The following DPP6 variants were observed in gnomAD, a reference collection of about 807,000 sequenced individuals.
DPP6 encodes A-type potassium channel modulatory protein DPP6.
A neutral mutation model predicts 122.6 loss-of-function variants in DPP6; 69 were observed. That is an observed-to-expected ratio of 0.56 (90% CI 0.46 to 0.69). The LOEUF is 0.69. DPP6 is among the 30% of genes least tolerant of loss of function. DPP6 has a pLI of 0.00. For synonymous variants in DPP6, 418 were observed against 433.1 expected, an observed-to-expected ratio of 0.97 and a Z score of 0.43; for missense variants, 928 against 1,116.9, an observed-to-expected ratio of 0.83 and a Z score of 2.41.
chr7:153,966,539 T>C (rs1585104303), intron 1 of DPP6, among the ~76,000 whole-genome samples: 1 of 116,330 alleles, frequency 8.6e-6, no homozygotes, highest in African/African-American at 3.1e-5. Flanking sequence ...AATTAAACGG[T>C]CTGTCCTGTG....
chr7:154,529,910 G>A (rs768638813), intron 3 of DPP6, among the ~76,000 whole-genome samples: 27 of 152,306 alleles, frequency 1.8e-4, no homozygotes, highest in Non-Finnish European at 3.4e-4. Flanking sequence ...TGGATCACTT[G>A]AGATCAGGAG....
chr7:153,790,793 T>C, the DPP6 span, among the ~76,000 whole-genome samples: 2 of 152,332 alleles, frequency 1.3e-5, no homozygotes, highest in East Asian at 1.9e-4. Context: ...CATAGTGTTA[T>C]AAAGCTCAGC....
intron 1 of DPP6, among the ~76,000 whole-genome samples, chr7:154,332,573 C>T (rs1809047060): frequency 6.6e-6 from 1 of 152,150 alleles, no homozygotes; most frequent in African/African-American, 2.4e-5. Flanking sequence ...GTGTGTCTGT[C>T]CATTAGGAGG....
intron 1 of DPP6, among the ~76,000 whole-genome samples, chr7:154,184,318 G>A (rs990184663): frequency 6.6e-6 from 1 of 151,880 alleles, no homozygotes; most frequent in Non-Finnish European, 1.5e-5. Context: ...AGGCTGAGTA[G>A]GTCAGGGGGA....
chr7:153,864,715 ACACACACG>A, the DPP6 span, among the ~76,000 whole-genome samples: 1 of 124,676 alleles, frequency 8.0e-6, no homozygotes, highest in South Asian at 2.6e-4. Flanking sequence ...ACACACACAC[ACACACACG>A]TGCTTGGGGA....
intron 3 of DPP6, among the ~76,000 whole-genome samples, chr7:154,511,096 T>C (rs1826057306): frequency 6.6e-6 from 1 of 151,982 alleles, no homozygotes; most frequent in Admixed American, 6.6e-5. Flanking sequence ...AAAAGGAAAA[T>C]TCGATATCAC....
At chr7:154,557,153 A>T (rs375535157) in intron 4 of DPP6, among the ~76,000 whole-genome samples, 1 of 152,206 alleles carries the variant, frequency 6.6e-6, no homozygotes, top group Admixed American at 6.5e-5. Context: ...CATCGGGGGC[A>T]TCCAAGCTTA....
intron 1 of DPP6, among the ~76,000 whole-genome samples, chr7:154,311,500 A>C (rs992757450): frequency 3.9e-5 from 2 of 51,556 alleles, no homozygotes; most frequent in Non-Finnish European, 8.0e-5. Flanking sequence ...CTGTCTCCAC[A>C]AAAAAAAAAA....
chr7:153,775,781 C>A, the DPP6 span, among the ~76,000 whole-genome samples: 20 of 152,098 alleles, frequency 1.3e-4, no homozygotes, highest in Non-Finnish European at 2.1e-4. Context: ...TTTCTGTGTT[C>A]TAGCAGTGCA....
chr7:154,512,562 T>C (rs1219559621), intron 3 of DPP6, among the ~76,000 whole-genome samples: 1 of 152,216 alleles, frequency 6.6e-6, no homozygotes, highest in Admixed American at 6.5e-5. Context: ...TTCTCATTTG[T>C]GGAAGAGGGA....
intron 8 of DPP6, among the ~76,000 whole-genome samples, chr7:154,762,953 A>G (rs896654420): frequency 1.3e-5 from 2 of 152,222 alleles, no homozygotes; most frequent in African/African-American, 4.8e-5. Context: ...GTGGCAGGGG[A>G]CTGCTTTAAC....
Position 154,062,014 on chromosome 7 carries a change from AGGGG to A in DPP6, c.243+8957_243+8960del, listed in dbSNP as rs750730060. On this transcript the variant is annotated intron_variant, in intron 1 of 25. Coordinates refer to ENST00000377770, the MANE Select transcript of DPP6 (RefSeq NM_130797.4). ...CCCTGGCTGTTGGTACCCCCATCGC[AGGGG>A]GGGGGAGGCACCCCCCGCGAGGCAG... is the stretch of plus-strand genomic sequence containing the variant. 1.6e-4 allele frequency among the ~76,000 whole-genome samples: 15 copies of A among 93,152 alleles called. 2 individuals are homozygous for A. In the South Asian group the frequency reaches 4.1e-3, roughly 25 times the overall value. 61.1% of individuals were successfully genotyped at this position (93,152 alleles called of 152,430 possible).
chr7:154,651,993 G>A (rs1435840167), intron 6 of DPP6, among the ~76,000 whole-genome samples: 1 of 152,168 alleles, frequency 6.6e-6, no homozygotes, highest in African/African-American at 2.4e-5. Context: ...AAGGTCTCAG[G>A]TATCCCTTAA....
rs568643712 is a variant in DPP6 at position 154,426,679 on chromosome 7, T to C, written c.244-19535T>C. Among the ~76,000 whole-genome samples, 4 of 152,224 alleles carry C rather than the reference T, an allele frequency of 2.6e-5. No homozygotes were observed. The East Asian group carries it at 7.7e-4, about 29-fold the overall frequency. On this transcript the variant is annotated intron_variant, in intron 1 of 25. Transcript: ENST00000377770. ...GAGGGGCAAACCATCCAAGACTATT[T>C]TAGAATTAAGGACTTGCTGCTCTGG...
chr7:154,373,279 A>G (rs956965134), intron 1 of DPP6, among the ~76,000 whole-genome samples: 1 of 152,234 alleles, frequency 6.6e-6, no homozygotes, highest in African/African-American at 2.4e-5. Context: ...TGTAAGGGCC[A>G]GCCTTCAAGA....
intron 1 of DPP6, among the ~76,000 whole-genome samples, chr7:154,202,648 G>A (rs572241730): frequency 2.0e-5 from 3 of 152,210 alleles, no homozygotes; most frequent in Admixed American, 2.0e-4. Flanking sequence ...TCTGCATGTC[G>A]GCTCCTGTGA....
chr7:153,847,677 A>T, the DPP6 span, among the ~76,000 whole-genome samples: 1 of 152,196 alleles, frequency 6.6e-6, no homozygotes, highest in South Asian at 2.1e-4. Flanking sequence ...CAAAGTGTCT[A>T]CTAAGCCCCT....
At chr7:154,102,258 C>T (rs1405723196) in intron 1 of DPP6, among the ~76,000 whole-genome samples, 8 of 152,074 alleles carry the variant, frequency 5.3e-5, no homozygotes, top group African/African-American at 1.2e-4. Context: ...GGCACAGTCT[C>T]GGCTCACTGC....
chr7:154,215,606 G>A (rs1799954795), intron 1 of DPP6, among the ~76,000 whole-genome samples: 1 of 152,184 alleles, frequency 6.6e-6, no homozygotes, highest in African/African-American at 2.4e-5. Flanking sequence ...GGCAGGAGGA[G>A]AAAGGGCCTT....
Sources: gnomAD v4.1 joint callset for allele counts (sites outside exome capture counted in the v4.1 genomes callset) on GRCh38, gnomAD v4.1.1 for gene constraint, MANE v1.5 for transcripts, NCBI Gene and HGNC (gene_info 2026-07-23, HGNC 2026-07-21) for gene names.